HERC5: variants seen among roughly 807,000 people sequenced by gnomAD.
HERC5 encodes the protein E3 ISG15--protein ligase HERC5.
HERC5 carries 99 observed loss-of-function variants against 119.6 expected under a neutral mutation model. The ratio of observed to expected loss-of-function variants is 0.83; its 90% CI spans 0.70 to 0.98. The LOEUF (loss-of-function observed/expected upper bound fraction) is 0.98, where lower values mean the gene tolerates loss of function less well. HERC5 is among the 50% of genes least tolerant of loss of function. The pLI, the probability that HERC5 is intolerant of heterozygous loss-of-function variation, is 0.00. For synonymous variants in HERC5, 478 were observed against 445.9 expected, an observed-to-expected ratio of 1.07 and a Z score of -0.91; for missense variants, 1,267 against 1,241.3, an observed-to-expected ratio of 1.02 and a Z score of -0.31.
chr4:88,470,561 T>C, intron 9 of HERC5, 53 bp from the exon 10 acceptor site: 4 of 867,628 alleles, frequency 4.6e-6, no homozygotes, highest in Non-Finnish European at 7.7e-6. Context: ...AAAGAGGCTG[T>C]ATGTATGTAT....
At chr4:88,473,303 T>G (rs1417320403) in intron 11 of HERC5, 3 of 152,014 alleles carry the variant, frequency 2.0e-5, no homozygotes, top group Non-Finnish European at 4.4e-5. Flanking sequence ...TCTCCTTCCC[T>G]CCTCCCCTCC....
chr4:88,458,073 G>A (rs1740247512), intron 1 of HERC5: 1 of 985,548 alleles, frequency 1.0e-6, no homozygotes, highest in Non-Finnish European at 1.2e-6. Context: ...TTTATTTTGC[G>A]TTTAACTACT....
chr4:88,465,562 A>G (rs531550251), intron 6 of HERC5, among the ~76,000 whole-genome samples: 73 of 152,208 alleles, frequency 4.8e-4, no homozygotes, highest in Non-Finnish European at 9.1e-4. Context: ...TTTATACCTC[A>G]TTCGGTATCT....
chr4:88,491,334 GAA>G (rs1355004779), intron 16 of HERC5, among the ~76,000 whole-genome samples: 13 of 152,248 alleles, frequency 8.5e-5, no homozygotes, highest in Non-Finnish European at 1.8e-4. Flanking sequence ...AATCAGGAGA[GAA>G]AATGCACTGA....
chr4:88,492,987 T>C (rs780025943), intron 16 of HERC5, 25 bp from the exon 17 acceptor site: 1 of 1,611,036 alleles, frequency 6.2e-7, no homozygotes, highest in Non-Finnish European at 8.5e-7. Context: ...CTGGAAGTGA[T>C]GTATTATTTG....
chr4:88,458,487 C>CTT (rs1740273219), intron 1 of HERC5, among the ~76,000 whole-genome samples: 1 of 151,860 alleles, frequency 6.6e-6, no homozygotes, highest in Non-Finnish European at 1.5e-5. Context: ...TTTCCAAAGG[C>CTT]TTAGCCTATG....
In HERC5 at chr4:88,463,613, T is replaced by A; in HGVS notation, c.770T>A (p.Leu257Gln). 1 of 1,612,464 alleles carries A rather than the reference T, an allele frequency of 6.2e-7. No individual in the cohort carries two copies. Among genetic ancestry groups the A allele is most frequent in the Non-Finnish European group, 8.5e-7 (1 of 1,178,690 alleles). Residue 257 changes from leucine (L) to glutamine (Q), a missense_variant, in exon 5 of 23, where the codon CTA becomes CAA. Leu to Gln is a moderately radical substitution (Grantham distance 113). Coordinates refer to ENST00000264350, the MANE Select transcript of HERC5 (RefSeq NM_016323.4). ...FVACGGSHSALLTQDGLLFTF... is the reference protein window; with the variant it reads ...FVACGGSHSAQLTQDGLLFTF... The stretch of plus-strand genomic sequence containing the variant: ...GCTTGTGGTGGCTCTCACAGTGCCC[T>A]ACTCACACAGGTGGGTGTACCCTTG...
chr4:88,493,149 T>G lies in HERC5; in HGVS notation c.2271T>G (p.Pro757=). The change falls in exon 17 of 23, where the codon CCT becomes CCG. Residue 757 remains proline, a synonymous_variant. Transcript: ENST00000264350. The stretch of plus-strand genomic sequence containing the variant: ...AAGGGGCTTCCTGCATGTGGTTTCC[T>G]GTCAAGGTAAGTTCCCTCTTCTTTG... ...YPEGASCMWF[P]VKPKFEKKRY... 1.2e-6 allele frequency: 2 copies of G among 1,613,810 alleles called. No individual in the cohort carries two copies. Among genetic ancestry groups the G allele is most frequent in the African/African-American group, 1.3e-5 (1 of 75,034 alleles).
intron 14 of HERC5, among the ~76,000 whole-genome samples, 194 bp downstream of exon 14, chr4:88,486,422 T>C (rs948389926): frequency 6.6e-6 from 1 of 151,806 alleles, no homozygotes; most frequent in Non-Finnish European, 1.5e-5. Context: ...ACTATGGGAG[T>C]ATGAAAAATG....
At chr4:88,485,681 T>A (rs1741432164) in intron 13 of HERC5, among the ~76,000 whole-genome samples, 1 of 152,162 alleles carries the variant, frequency 6.6e-6, no homozygotes, top group African/African-American at 2.4e-5. Context: ...CCTGATCATA[T>A]CATATGGGAT....
Position 88,479,502 on chromosome 4 carries a change from C to A in HERC5, c.1732C>A (p.His578Asn). The A allele has an allele frequency of 6.3e-7, 1 of 1,597,324 alleles. No homozygotes were observed. Among genetic ancestry groups the A allele is most frequent in the South Asian group, 1.1e-5 (1 of 87,514 alleles). The change falls in exon 13 of 23, where the codon CAC (histidine) becomes AAC (asparagine). Residue 578 changes from histidine (H) to asparagine (N), a missense_variant. Transcript: ENST00000264350. Reference protein sequence around the residue: ...QALLEMLKKLHRVNQVKCQLP... With the variant: ...QALLEMLKKLNRVNQVKCQLP... ...TCTCCTAGAAATGTTGAAGAAGCTG[C>A]ACAGGGTAAGAGTTCCTTTAGAAAC...
intron 13 of HERC5, among the ~76,000 whole-genome samples, chr4:88,479,999 G>A (rs1235478185): frequency 5.9e-5 from 9 of 151,472 alleles, no homozygotes; most frequent in Middle Eastern, 3.2e-3. Context: ...CCCGGGAGGC[G>A]GAGCTTGCAG....
chr4:88,474,341 C>T (rs536191634), intron 11 of HERC5, among the ~76,000 whole-genome samples: 14 of 152,272 alleles, frequency 9.2e-5, no homozygotes, highest in South Asian at 8.3e-4. Flanking sequence ...CAGGTGCTCA[C>T]GTGGAAGGAT....
At chr4:88,464,937 A>T (rs1740603019) in intron 6 of HERC5, among the ~76,000 whole-genome samples, 1 of 151,584 alleles carries the variant, frequency 6.6e-6, no homozygotes, top group Non-Finnish European at 1.5e-5. Context: ...CGCCTGGCTA[A>T]TTTTTTGTAT....
intron 12 of HERC5, among the ~76,000 whole-genome samples, chr4:88,476,397 C>G (rs1438428550): frequency 2.0e-5 from 3 of 152,070 alleles, no homozygotes; most frequent in Non-Finnish European, 4.4e-5. Context: ...CCCCTGGGCT[C>G]AAGTGATGAG....
At chr4:88,488,684 T>A (rs1741543960) in intron 15 of HERC5, among the ~76,000 whole-genome samples, 1 of 151,570 alleles carries the variant, frequency 6.6e-6, no homozygotes, top group Non-Finnish European at 1.5e-5. Context: ...TTGTCTTGGT[T>A]TTTTTTTTCC....
In HERC5 at chr4:88,489,174, A is replaced by G. The variant is rs770801159; in HGVS notation, c.1971A>G (p.Lys657=). 8 of 1,607,704 alleles carry G rather than the reference A, an allele frequency of 5.0e-6. No homozygotes were observed. The Admixed American group carries it at 1.0e-4, about 21-fold the overall frequency. Residue 657 remains lysine (K), a synonymous_variant, in exon 16 of 23, where the codon AAA becomes AAG. Coordinates refer to ENST00000264350, the MANE Select transcript of HERC5 (RefSeq NM_016323.4). The stretch of plus-strand genomic sequence containing the variant: ...TGTTTCTGTTTTCCTAGAGTAAAAA[A>G]CATAAAGCTTATCTTAGGTCGGCAG... The part of the protein sequence containing the change: ...TDTLLKIESK[K]HKAYLRSAAI...
chr4:88,500,878 T>C (rs1741926697), intron 19 of HERC5, 37 bp from the exon 20 acceptor site: 2 of 1,445,258 alleles, frequency 1.4e-6, no homozygotes, highest in South Asian at 1.2e-5. Context: ...TTCAGAATTA[T>C]GTTGGAGATA....
intron 20 of HERC5, among the ~76,000 whole-genome samples, 196 bp downstream of exon 20, chr4:88,501,181 T>C (rs1741936709): frequency 6.6e-6 from 1 of 152,198 alleles, no homozygotes. Flanking sequence ...TGGAAATGGC[T>C]TTCTCAGAGA....
Sources: gnomAD v4.1 joint callset for allele counts (sites outside exome capture counted in the v4.1 genomes callset) on GRCh38, gnomAD v4.1.1 for gene constraint, MANE v1.5 for transcripts, NCBI Gene and HGNC (gene_info 2026-07-23, HGNC 2026-07-21) for gene names.